SLC35D1: variants seen among roughly 807,000 people sequenced by gnomAD.
The protein encoded by SLC35D1 is solute carrier family 35 member D1.
A neutral mutation model predicts 46.7 loss-of-function variants in SLC35D1; 31 were observed. The observed-to-expected ratio is 0.66, with a 90% CI of 0.50 to 0.90. SLC35D1 has a LOEUF of 0.90. Among genes scored for constraint, SLC35D1 ranks in the 40% least tolerant of loss-of-function variants. The pLI, the probability that SLC35D1 is intolerant of heterozygous loss-of-function variation, is 0.00. For synonymous variants in SLC35D1, 195 were observed against 164.6 expected (o/e 1.18, Z -1.41); for missense variants, 397 against 426.2 (o/e 0.93, Z 0.60).
chr1:67,009,099 A>G lies in SLC35D1; in HGVS notation c.945T>C (p.Ile315=), dbSNP rs1667509944. 2.0e-6 allele frequency: 3 copies of G among 1,495,994 alleles called. No homozygotes were observed. The highest frequency in any genetic ancestry group is 2.8e-6 in the Non-Finnish European group (3 of 1,075,670). 92.7% of individuals were successfully genotyped at this position (1,495,994 alleles called of 1,614,324 possible). Residue 315 remains isoleucine, a synonymous_variant, in exon 11 of 12, where the codon ATT becomes ATC. Transcript: ENST00000235345. ...GDYIFTWTNF[I]GLNISIAGSL... Reference sequence around the variant, plus strand: ...TTTTTACTTACCTGATATTTAAACCAATGAAGTTTGTCCACGTGAAAATAT... The same window carrying G: ...TTTTTACTTACCTGATATTTAAACCGATGAAGTTTGTCCACGTGAAAATAT...
At position 67,047,202 on chromosome 1, in the gene SLC35D1, T is replaced by C. The variant is rs193300000; in HGVS notation, c.636+63A>G. On this transcript the variant is annotated intron_variant, in intron 7 of 11. Transcript: ENST00000235345. ...AGAACTTTCTTTATTCCCCACTTTT[T>C]CTCCTATGAATTGACATGCCAACAT... 2.7e-5 allele frequency: 35 copies of C among 1,311,864 alleles called. No individual in the cohort carries two copies. The African/African-American group carries it at 4.6e-4, about 17-fold the overall frequency. 81.3% of individuals were successfully genotyped at this position (1,311,864 alleles called of 1,614,324 possible).
chr1:66,995,109 C>T (rs56298032), downstream of SLC35D1, among the ~76,000 whole-genome samples: 11 of 152,142 alleles, frequency 7.2e-5, no homozygotes, highest in African/African-American at 2.7e-4. Flanking sequence ...ACCTCCAGTT[C>T]TGCCCTTCCG....
the SLC35D1 span, among the ~76,000 whole-genome samples, chr1:66,989,278 GA>G: frequency 6.6e-6 from 1 of 152,116 alleles, no homozygotes; most frequent in Non-Finnish European, 1.5e-5. Flanking sequence ...CCTGGTTATA[GA>G]ACATTCACTT....
At chr1:66,982,359 A>C in the SLC35D1 span, among the ~76,000 whole-genome samples, 5 of 152,218 alleles carry the variant, frequency 3.3e-5, no homozygotes, top group Admixed American at 6.5e-5. Flanking sequence ...AATAACCTTG[A>C]ATAATGAGAA....
intron 8 of SLC35D1, among the ~76,000 whole-genome samples, chr1:67,038,073 A>C (rs1251426969): frequency 1.3e-5 from 2 of 152,212 alleles, no homozygotes; most frequent in African/African-American, 4.8e-5. Flanking sequence ...CAAATAATAT[A>C]CTGGCAAAGA....
At chr1:66,986,300 T>C in the SLC35D1 span, 1 of 1,484,080 alleles carries the variant, frequency 6.7e-7, no homozygotes, top group Non-Finnish European at 8.9e-7. Context: ...ATTTTATTTT[T>C]AGTGCTAAAT....
chr1:66,978,382 C>T, the SLC35D1 span, among the ~76,000 whole-genome samples: 40 of 152,092 alleles, frequency 2.6e-4, no homozygotes, highest in Non-Finnish European at 5.3e-4. Context: ...GTATGATTCA[C>T]CCTTGGAAAT....
chr1:67,005,017 T>C (rs1667418393), intron 11 of SLC35D1, among the ~76,000 whole-genome samples: 1 of 152,146 alleles, frequency 6.6e-6, no homozygotes, highest in Non-Finnish European at 1.5e-5. Context: ...CACTTATCCA[T>C]CGCACCTACC....
At chr1:66,989,346 G>A in the SLC35D1 span, among the ~76,000 whole-genome samples, 1 of 152,160 alleles carries the variant, frequency 6.6e-6, no homozygotes, top group Non-Finnish European at 1.5e-5. Context: ...AGCTGGCTGT[G>A]TTGTTCTGCA....
chr1:67,037,160 T>C lies in SLC35D1; in HGVS notation c.729+5076A>G, dbSNP rs1668140994. On this transcript the variant is annotated intron_variant, in intron 8 of 11. Coordinates refer to ENST00000235345, the MANE Select transcript of SLC35D1 (RefSeq NM_015139.3). Reference sequence around the variant, plus strand: ...ATTGTACTGTCAATGTGTTGAAAAGTTGTTGTAGGTATTATTTTTGATGGG... The same window carrying C: ...ATTGTACTGTCAATGTGTTGAAAAGCTGTTGTAGGTATTATTTTTGATGGG... Among the ~76,000 whole-genome samples, 7 of 152,148 alleles carry C rather than the reference T, an allele frequency of 4.6e-5. No individual in the cohort carries two copies. The South Asian group carries it at 1.4e-3, about 31-fold the overall frequency.
intron 8 of SLC35D1, among the ~76,000 whole-genome samples, chr1:67,022,681 T>G (rs115555172): frequency 0.01 from 1,577 of 152,338 alleles, 30 homozygotes; most frequent in African/African-American, 0.036. Context: ...GACAGTTTGT[T>G]TATAGTTCTT....
At chr1:66,986,813 C>T in the SLC35D1 span, 1 of 190,834 alleles carries the variant, frequency 5.2e-6, no homozygotes, top group African/African-American at 2.3e-5. Context: ...CTTTAGCAAG[C>T]AGATGGTCAC....
chr1:66,992,631 A>G, the SLC35D1 span, among the ~76,000 whole-genome samples: 1 of 152,368 alleles, frequency 6.6e-6, no homozygotes, highest in Non-Finnish European at 1.5e-5. Context: ...ACACGTATTC[A>G]TGGCTAGAGC....
At chr1:67,041,004 A>G (rs1668231766) in intron 8 of SLC35D1, among the ~76,000 whole-genome samples, 1 of 152,202 alleles carries the variant, frequency 6.6e-6, no homozygotes. Flanking sequence ...ATTCCCCAAT[A>G]GTATGACACT....
intron 8 of SLC35D1, among the ~76,000 whole-genome samples, chr1:67,035,137 T>G (rs1324318749): frequency 1.3e-5 from 2 of 151,968 alleles, no homozygotes; most frequent in African/African-American, 4.8e-5. Context: ...CTGTGTTGTG[T>G]GTGTGTGTGC....
the SLC35D1 span, among the ~76,000 whole-genome samples, chr1:66,981,350 C>CA: frequency 3.3e-5 from 5 of 152,208 alleles, no homozygotes; most frequent in Admixed American, 6.5e-5. Context: ...AGGAGGTAAT[C>CA]AGTCCTTTTT....
In SLC35D1 at chr1:67,021,093, C is replaced by G. The variant is rs1667788270; in HGVS notation, c.797+442G>C. Reference sequence around the variant, plus strand: ...GAAATATGGACATGAGGATAAGAGGCACGTTTGCAGGTATCCTCTTAACCT... The same window carrying G: ...GAAATATGGACATGAGGATAAGAGGGACGTTTGCAGGTATCCTCTTAACCT... On this transcript the variant is annotated intron_variant, in intron 9 of 11. Coordinates refer to ENST00000235345, the MANE Select transcript of SLC35D1 (RefSeq NM_015139.3). Among the ~76,000 whole-genome samples, 3 of 152,262 alleles carry G rather than the reference C, an allele frequency of 2.0e-5. No individual in the cohort carries two copies. In the South Asian group the frequency reaches 6.2e-4, roughly 32 times the overall value.
At chr1:66,984,735 C>T in the SLC35D1 span, 1 of 1,613,842 alleles carries the variant, frequency 6.2e-7, no homozygotes, top group Non-Finnish European at 8.5e-7. Context: ...CAAAACTTGC[C>T]CATATGACTG....
the SLC35D1 span, among the ~76,000 whole-genome samples, chr1:66,993,841 ACT>A: frequency 6.6e-6 from 1 of 152,150 alleles, no homozygotes; most frequent in African/African-American, 2.4e-5. Flanking sequence ...TATAGCAGGC[ACT>A]CTGTTTCTTG....
Sources: gnomAD v4.1 joint callset for allele counts (sites outside exome capture counted in the v4.1 genomes callset) on GRCh38, gnomAD v4.1.1 for gene constraint, MANE v1.5 for transcripts, NCBI Gene and HGNC (gene_info 2026-07-23, HGNC 2026-07-21) for gene names.